Variants in MTCL2 observed in about 807,000 individuals in gnomAD.
MTCL2 encodes the protein microtubule cross-linking factor 2.
At chr20:36,793,978 T>C in the MTCL2 span, 1 of 1,551,646 alleles carries the variant, frequency 6.4e-7, no homozygotes, top group Admixed American at 2.0e-5. This position sits in a 1 kb window ranked among gnomAD's most constrained non-coding sequence, Gnocchi z 6.8. Context: ...TCTGGCTGGA[T>C]GTGCTCTTCA....
chr20:36,797,620 T>G, the MTCL2 span: 18 of 1,516,656 alleles, frequency 1.2e-5, no homozygotes, highest in Non-Finnish European at 1.5e-5. Context: ...AAAGCTGGTA[T>G]GCAGGACCCT....
the MTCL2 span, chr20:36,784,152 G>A: frequency 1.0e-6 from 1 of 985,760 alleles, no homozygotes; most frequent in African/African-American, 1.7e-5. Context: ...CTGGGAGGTG[G>A]CAGAAGGCCT....
the MTCL2 span, chr20:36,794,871 T>TGATCCTCCCATTTCAGCCTCCAGA: frequency 2.0e-6 from 1 of 495,782 alleles, no homozygotes; most frequent in Admixed American, 3.4e-5. This position sits in a 1 kb window ranked among gnomAD's most constrained non-coding sequence, Gnocchi z 5.4. Context: ...TGGGCTCAAG[T>TGATCCTCCCATTTCAGCCTCCAGA]GATCCTCCCA....
the MTCL2 span, chr20:36,785,441 T>C: frequency 1.0e-6 from 1 of 985,276 alleles, no homozygotes; most frequent in Non-Finnish European, 1.2e-6. Context: ...CTAGGCAAGA[T>C]ACGTGTTTCC....
At chr20:36,819,272 GC>G in the MTCL2 span, among the ~76,000 whole-genome samples, 1 of 152,170 alleles carries the variant, frequency 6.6e-6, no homozygotes, top group African/African-American at 2.4e-5. Context: ...ATAAAACCTT[GC>G]TTAGGTTGTT....
chr20:36,798,704 G>A, the MTCL2 span, among the ~76,000 whole-genome samples: 1 of 152,192 alleles, frequency 6.6e-6, no homozygotes, highest in Non-Finnish European at 1.5e-5. Flanking sequence ...ATGTCATGGG[G>A]TCAGGCCGAG....
chr20:36,824,905 C>T, the MTCL2 span, among the ~76,000 whole-genome samples: 2 of 151,576 alleles, frequency 1.3e-5, no homozygotes, highest in African/African-American at 4.9e-5. Flanking sequence ...CCTGCTGCCT[C>T]GGCCTCCCAA....
the MTCL2 span, chr20:36,802,750 A>G: frequency 7.3e-7 from 1 of 1,368,340 alleles, no homozygotes; most frequent in African/African-American, 1.4e-5. Context: ...ACCTCACTGG[A>G]TGAGCACCTA....
At chr20:36,830,033 T>C in the MTCL2 span, among the ~76,000 whole-genome samples, 1 of 152,014 alleles carries the variant, frequency 6.6e-6, no homozygotes, top group East Asian at 1.9e-4. Flanking sequence ...GGGGTCTCAC[T>C]ATGTGGTCCA....
chr20:36,796,939 T>G, the MTCL2 span: 1 of 1,613,970 alleles, frequency 6.2e-7, no homozygotes, highest in Non-Finnish European at 8.5e-7. Context: ...GTCGTGGATC[T>G]TCTCACTGCG....
chr20:36,819,438 G>A, the MTCL2 span, among the ~76,000 whole-genome samples: 1 of 152,080 alleles, frequency 6.6e-6, no homozygotes, highest in Non-Finnish European at 1.5e-5. Flanking sequence ...AGACAGAGGG[G>A]CAGGGACTTG....
the MTCL2 span, chr20:36,810,212 T>C: frequency 7.3e-7 from 1 of 1,376,914 alleles, no homozygotes; most frequent in Non-Finnish European, 9.8e-7. Context: ...GATGGGATGT[T>C]GGACCCAAGC....
the MTCL2 span, among the ~76,000 whole-genome samples, chr20:36,820,757 G>A: frequency 2.0e-5 from 3 of 152,010 alleles, no homozygotes; most frequent in Non-Finnish European, 2.9e-5. Context: ...CAGGAGAATC[G>A]GTTGAACCCA....
the MTCL2 span, among the ~76,000 whole-genome samples, chr20:36,799,842 A>T: frequency 1.3e-5 from 2 of 152,240 alleles, no homozygotes; most frequent in African/African-American, 4.8e-5. Context: ...AGCACTTTGA[A>T]TCTTCTGGCT....
the MTCL2 span, chr20:36,804,817 A>C: frequency 6.2e-7 from 1 of 1,614,014 alleles, no homozygotes. Context: ...AAGCTCCGTC[A>C]GACCACGGCG....
At chr20:36,805,536 C>T in the MTCL2 span, among the ~76,000 whole-genome samples, 4 of 152,228 alleles carry the variant, frequency 2.6e-5, no homozygotes, top group Non-Finnish European at 5.9e-5. Context: ...CACACCTTGG[C>T]ACACAGAGTT....
the MTCL2 span, chr20:36,793,758 G>C: frequency 6.5e-7 from 1 of 1,541,614 alleles, no homozygotes; most frequent in Non-Finnish European, 8.7e-7. This position sits in a 1 kb window ranked among gnomAD's most constrained non-coding sequence, Gnocchi z 6.8. Context: ...TGGAGCTTTG[G>C]TGAGCCATAC....
chr20:36,863,067 G>A, the MTCL2 span: 2 of 1,405,146 alleles, frequency 1.4e-6, no homozygotes, highest in Non-Finnish European at 1.9e-6. This position sits in a 1 kb window ranked among gnomAD's most constrained non-coding sequence, Gnocchi z 6.2. Flanking sequence ...ACGGACCCCG[G>A]TGCGGACCCC....
chr20:36,838,078 C>T, the MTCL2 span, among the ~76,000 whole-genome samples: 3 of 151,232 alleles, frequency 2.0e-5, no homozygotes, highest in East Asian at 2.0e-4. Context: ...GACGGAGTCT[C>T]GCTCTGTCGC....
Sources: allele counts gnomAD v4.1 joint callset (sites outside exome capture counted in the v4.1 genomes callset), GRCh38; gene constraint gnomAD v4.1.1; non-coding constraint Gnocchi (gnomAD v3.1); transcripts MANE v1.5; gene names NCBI Gene and HGNC (gene_info 2026-07-23, HGNC 2026-07-21).